Variants in RYR3 observed in about 807,000 individuals in gnomAD.
The protein encoded by RYR3 is brain ryanodine receptor-calcium release channel.
RYR3 carries 207 observed loss-of-function variants against 584.3 expected under a neutral mutation model. The ratio of observed to expected loss-of-function variants is 0.35; its 90% CI spans 0.32 to 0.40. RYR3 has a LOEUF of 0.40. Among genes scored for constraint, RYR3 ranks in the 10% least tolerant of loss-of-function variants. RYR3 has a pLI of 1.00. For missense variants in RYR3, 5,616 were observed against 6,089.2 expected (o/e 0.92, Z 2.59); for synonymous variants, 2,416 against 2,248.5 (o/e 1.07, Z -2.11).
intron 85 of RYR3, among the ~76,000 whole-genome samples, chr15:33,828,463 C>G (rs1191365652): frequency 6.6e-6 from 1 of 152,192 alleles, no homozygotes; most frequent in Non-Finnish European, 1.5e-5. Context: ...AACAGCCAAG[C>G]TATGCAAAGA....
chr15:33,805,274 G>A (rs568937096), intron 69 of RYR3, among the ~76,000 whole-genome samples: 3 of 152,258 alleles, frequency 2.0e-5, no homozygotes, highest in African/African-American at 7.2e-5. Context: ...GTGTCGTGAT[G>A]CAGGAAATAT....
At chr15:33,723,035 A>G in intron 44 of RYR3, 140 bp downstream of exon 44, 1 of 755,634 alleles carries the variant, frequency 1.3e-6, no homozygotes, top group East Asian at 2.8e-5. Flanking sequence ...CTTCATCGAG[A>G]ACAGTGTTGT....
At chr15:33,672,504 A>C (rs898229165) in intron 38 of RYR3, among the ~76,000 whole-genome samples, 1 of 152,202 alleles carries the variant, frequency 6.6e-6, no homozygotes, top group African/African-American at 2.4e-5. Flanking sequence ...TGAGGTGATC[A>C]GGCATGTTTG....
At chr15:33,387,617 A>T (rs2041698576) in intron 1 of RYR3, among the ~76,000 whole-genome samples, 1 of 151,992 alleles carries the variant, frequency 6.6e-6, no homozygotes. Flanking sequence ...AATCTGAAAA[A>T]TGAAGAAAAG....
intron 69 of RYR3, among the ~76,000 whole-genome samples, chr15:33,804,578 A>G (rs2076083938): frequency 6.6e-6 from 1 of 152,240 alleles, no homozygotes; most frequent in Non-Finnish European, 1.5e-5. Flanking sequence ...TCTCTAGGAT[A>G]GAGTAATATT....
At chr15:33,465,596 A>T in intron 1 of RYR3, 1 of 426,936 alleles carries the variant, frequency 2.3e-6, no homozygotes. Context: ...TTCCTTAAGT[A>T]AGATGGAAAG....
At chr15:33,493,918 AAAT>A (rs200233894) in intron 2 of RYR3, among the ~76,000 whole-genome samples, 2,309 of 152,222 alleles carry the variant, frequency 0.015, 45 homozygotes, top group African/African-American at 0.051. Context: ...CCTTGTCTCA[AAAT>A]AATAATGATG....
At position 33,821,538 on chromosome 15, in the gene RYR3, T is replaced by C. The variant is rs781316953; in HGVS notation, c.10931T>C (p.Met3644Thr). The C allele has an allele frequency of 9.3e-6, 15 of 1,613,912 alleles. No homozygotes were observed. Among genetic ancestry groups the C allele is most frequent in the East Asian group, 2.2e-5 (1 of 44,858 alleles). The stretch of plus-strand genomic sequence containing the variant: ...ACCATGGCAGGTGAGATGAGCCCCA[T>C]GGTGGTTGAGACGCTGAAGCTGGGG... ...ISASKGEMSP[M>T]VVETLKLGIA... Residue 3644 changes from methionine to threonine, a missense_variant, in exon 80 of 104, where the codon ATG (methionine) becomes ACG (threonine). Coordinates refer to ENST00000634891, the MANE Select transcript of RYR3 (RefSeq NM_001036.6).
At chr15:33,776,804 C>A (rs1225677535) in intron 64 of RYR3, among the ~76,000 whole-genome samples, 1 of 152,080 alleles carries the variant, frequency 6.6e-6, no homozygotes, top group African/African-American at 2.4e-5. Context: ...CCCTAACAAT[C>A]GATTTTGAAA....
intron 1 of RYR3, among the ~76,000 whole-genome samples, chr15:33,352,176 T>G (rs1567077989): frequency 6.6e-6 from 1 of 152,134 alleles, no homozygotes; most frequent in African/African-American, 2.4e-5. Flanking sequence ...AATTGTTGAG[T>G]TTTAAAAAAA....
intron 1 of RYR3, among the ~76,000 whole-genome samples, chr15:33,411,413 C>A (rs901613213): frequency 6.6e-6 from 1 of 152,146 alleles, no homozygotes; most frequent in East Asian, 1.9e-4. Context: ...TTGAAGCAAA[C>A]AAATCTATAC....
intron 2 of RYR3, among the ~76,000 whole-genome samples, chr15:33,476,213 C>T (rs373574275): frequency 5.9e-5 from 9 of 152,090 alleles, no homozygotes; most frequent in African/African-American, 7.2e-5. Context: ...TTGTTTTACC[C>T]GAGCTAGATT....
In RYR3 at chr15:33,827,213, C is replaced by T. The variant is rs1028973954; in HGVS notation, c.11260C>T (p.Leu3754=). The T allele has an allele frequency of 6.4e-7, 1 of 1,551,898 alleles. No individual in the cohort carries two copies. ...GGTGCTCTCAGACTTTCAGAACTTC[C>T]TGCGGACTCAGATGGGCAACACCAC... ...EGHNSDFQNF[L]RTQMGNTTTV... The change falls in exon 85 of 104, where the codon CTG becomes TTG. Residue 3754 remains leucine, a synonymous_variant. Coordinates refer to ENST00000634891, the MANE Select transcript of RYR3 (RefSeq NM_001036.6).
chr15:33,531,717 T>C (rs907419020), intron 4 of RYR3, among the ~76,000 whole-genome samples: 4 of 151,978 alleles, frequency 2.6e-5, no homozygotes, highest in Non-Finnish European at 5.9e-5. Flanking sequence ...TAGTCCTTCA[T>C]GGCAAAAGAC....
chr15:33,796,491 A>G (rs2075632497), intron 67 of RYR3, among the ~76,000 whole-genome samples: 1 of 151,970 alleles, frequency 6.6e-6, no homozygotes, highest in African/African-American at 2.4e-5. Flanking sequence ...ACCCCCCAGG[A>G]TTCTGTTCTT....
rs1440811486 is a variant in RYR3, at chr15:33,780,294, A to C, written c.9221A>C (p.Tyr3074Ser). 6.2e-7 allele frequency: 1 copy of C among 1,613,762 alleles called. No homozygotes were observed. The highest frequency in any genetic ancestry group is 8.5e-7 in the Non-Finnish European group (1 of 1,179,832). ...TTCCTGGAGCCCACCCTTAATCGCT[A>C]CAATCCACTCTCGGTCTTCAACACC... is the stretch of plus-strand genomic sequence containing the variant. Reference protein sequence around the residue: ...VAFLEPTLNRYNPLSVFNTKT... With the variant: ...VAFLEPTLNRSNPLSVFNTKT... Residue 3074 changes from tyrosine to serine, a missense_variant, in exon 65 of 104, where the codon TAC becomes TCC. This residue lies in a region of RYR3 where 954 missense variants were observed against 1,132.2 expected (regional missense o/e 0.84). Coordinates refer to ENST00000634891, the MANE Select transcript of RYR3 (RefSeq NM_001036.6).
chr15:33,833,999 T>C (rs1471246502), intron 86 of RYR3, among the ~76,000 whole-genome samples: 1 of 152,150 alleles, frequency 6.6e-6, no homozygotes, highest in African/African-American at 2.4e-5. Context: ...GTGAGATTAT[T>C]GACCGCGCAC....
At chr15:33,807,465 A>G (rs867051813) in intron 69 of RYR3, 90 bp from the exon 70 acceptor site, 12 of 1,264,974 alleles carry the variant, frequency 9.5e-6, no homozygotes, top group African/African-American at 7.4e-5. Context: ...CTAAGAAGCT[A>G]TAACTAACAT....
intron 45 of RYR3, among the ~76,000 whole-genome samples, chr15:33,725,810 A>T (rs1049269260): frequency 5.3e-5 from 8 of 149,686 alleles, no homozygotes; most frequent in African/African-American, 1.5e-4. Context: ...AAAAAAAAAA[A>T]ATACAAAAAA....
Sources: gnomAD v4.1 joint callset for allele counts (sites outside exome capture counted in the v4.1 genomes callset) on GRCh38, gnomAD v4.1.1 for gene constraint, gnomAD v4.1.1 regional missense constraint, MANE v1.5 for transcripts, NCBI Gene and HGNC (gene_info 2026-07-23, HGNC 2026-07-21) for gene names.